The following DCTN1 variants were observed in gnomAD, a reference collection of about 807,000 sequenced individuals.
The protein encoded by DCTN1 is dynactin subunit 1, also known as 150 kDa dynein-associated polypeptide.
In DCTN1, 61 loss-of-function variants were observed where a neutral mutation model predicts 161.2. The ratio of observed to expected loss-of-function variants is 0.38; its 90% CI spans 0.31 to 0.47. The LOEUF is 0.47. Among genes scored for constraint, DCTN1 ranks in the 20% least tolerant of loss-of-function variants. The probability of loss-of-function intolerance (pLI) is 0.99; values close to 1 mark genes in which losing one functional copy is unlikely to be tolerated. For missense variants in DCTN1, 1,404 were observed against 1,623.7 expected (o/e 0.86, Z 2.33); for synonymous variants, 653 against 632.4 (o/e 1.03, Z -0.49).
rs764297067 is a variant in DCTN1 at position 74,367,047 on chromosome 2, G to T, written c.2314C>A (p.Gln772Lys). 1.9e-6 allele frequency: 3 copies of T among 1,614,224 alleles called. No individual in the cohort carries two copies. Among genetic ancestry groups the T allele is most frequent in the Non-Finnish European group, 2.5e-6 (3 of 1,180,036 alleles). Residue 772 changes from glutamine (Q) to lysine (K), a missense_variant and splice_region_variant, in exon 20 of 32, where the codon CAG becomes AAG. Gln to Lys is a moderately conservative substitution (Grantham distance 53, BLOSUM62 1). This residue lies in a region of DCTN1 where 475 missense variants were observed against 489.8 expected (regional missense o/e 0.97). Transcript: ENST00000628224. ...CACAGATCTAGATGTGTTCTCACCTGCAAGAAGGCACGCAGCCGTCCTACC... is the reference window on the plus strand; with the variant it reads ...CACAGATCTAGATGTGTTCTCACCTTCAAGAAGGCACGCAGCCGTCCTACC... ...VEVGRLRAFL[Q>K]GGQEATDIAL...
rs1674138317 is a variant in DCTN1, at chr2:74,363,103, G to C, written c.3420C>G (p.Gly1140=). 1.2e-6 allele frequency: 2 copies of C among 1,613,856 alleles called. No homozygotes were observed. The highest frequency in any genetic ancestry group is 1.7e-6 in the Non-Finnish European group (2 of 1,179,858). The change falls in exon 29 of 32, where the codon GGC becomes GGG. Residue 1140 remains glycine (G), a synonymous_variant. Transcript: ENST00000628224. ...HVAKLSHEGP[G]SELPAGALYR... Reference sequence around the variant, plus strand: ...ACAGCGCTCCAGCTGGTAACTCACTGCCAGGGCCCTCATGGGATAGCTTTG... The same window carrying C: ...ACAGCGCTCCAGCTGGTAACTCACTCCCAGGGCCCTCATGGGATAGCTTTG...
In DCTN1 at chr2:74,377,478, A is replaced by G. The variant is rs761132263; in HGVS notation, c.359-12T>C. 1 of 1,612,008 alleles carries G rather than the reference A, an allele frequency of 6.2e-7. No homozygotes were observed. Among genetic ancestry groups the G allele is most frequent in the Non-Finnish European group, 8.5e-7 (1 of 1,178,028 alleles). ...TGTATCAGTTCCCTCTGTAGAAAGC[A>G]AACAGAAACAAAGTGTGTACTTGTA... is the stretch of plus-strand genomic sequence containing the variant. On this transcript the variant is annotated splice_polypyrimidine_tract_variant and intron_variant, in intron 3 of 31. Transcript: ENST00000628224.
rs72659375 is a variant in DCTN1 at position 74,370,079 on chromosome 2, G to A, written c.1288-10C>T. 3.5e-5 allele frequency: 57 copies of A among 1,614,020 alleles called. No individual in the cohort carries two copies. The highest frequency in any genetic ancestry group is 1.3e-4 in the East Asian group (6 of 44,892). On this transcript the variant is annotated splice_polypyrimidine_tract_variant and intron_variant, in intron 12 of 31. Transcript: ENST00000628224. The surrounding 1 kb of genome is among the most constrained non-coding windows in gnomAD (Gnocchi z 4.4). ...CCAGAGCAGCATCCACCTGTGTTAC[G>A]GGGAGGATAGGGAGAAGGGCTGCTG...
At chr2:74,388,683 T>C (rs1281568365) in intron 1 of DCTN1, among the ~76,000 whole-genome samples, 1 of 152,228 alleles carries the variant, frequency 6.6e-6, no homozygotes, top group Non-Finnish European at 1.5e-5. Context: ...ATATCATCTC[T>C]TACTCTACTA....
At chr2:74,371,858 A>C (rs1312946828) in intron 7 of DCTN1, 130 bp from the exon 8 acceptor site, 2 of 733,628 alleles carry the variant, frequency 2.7e-6, no homozygotes, top group Admixed American at 4.4e-5. Flanking sequence ...AGAGAGTATC[A>C]AAGCACAGTG....
chr2:74,368,176 G>A lies in DCTN1; in HGVS notation c.1855-45C>T, dbSNP rs1300333394. 5 of 1,554,660 alleles carry A rather than the reference G, an allele frequency of 3.2e-6. No homozygotes were observed. The South Asian group carries it at 3.6e-5, about 11-fold the overall frequency. On this transcript the variant is annotated intron_variant, in intron 16 of 31. Coordinates refer to ENST00000628224, the MANE Select transcript of DCTN1 (RefSeq NM_004082.5). ...GAACCTGGGCCTCAGAGCAGAGGAT[G>A]GAGAACAGAGACTCAGGAATATAGT...
rs533951285 is a variant in DCTN1, at chr2:74,370,887, AGTAT to A, written c.844-66_844-63del. On this transcript the variant is annotated intron_variant, in intron 9 of 31. Transcript: ENST00000628224. The surrounding 1 kb of genome is among the most constrained non-coding windows in gnomAD (Gnocchi z 4.4). The stretch of plus-strand genomic sequence containing the variant: ...CAGAGATGCCCCAGGCCTTTCTCAC[AGTAT>A]GTTCCAGGCTCCAGCTCCAGTCTAG... 2.0e-4 allele frequency: 318 copies of A among 1,613,498 alleles called. 2 individuals are homozygous for A. In the African/African-American group the frequency reaches 3.6e-3, roughly 18 times the overall value.
Position 74,380,311 on chromosome 2 carries a change from T to C in DCTN1, c.-274A>G. On this transcript the variant is annotated 5_prime_UTR_variant, in exon 1 of 32. Coordinates refer to ENST00000628224, the MANE Select transcript of DCTN1 (RefSeq NM_004082.5). ...GCTTGCCAGCTGATGAGTCTCACTC[T>C]GCGCTAGTGCTGCTCTAGACTTGTC... is the stretch of plus-strand genomic sequence containing the variant. 2 of 581,200 alleles carry C rather than the reference T, an allele frequency of 3.4e-6. No individual in the cohort carries two copies. The highest frequency in any genetic ancestry group is 2.6e-5 in the Admixed American group (1 of 38,896). 36.0% of individuals were successfully genotyped at this position (581,200 alleles called of 1,614,324 possible). A position where few individuals can be genotyped will look rare whatever the true frequency, so the allele number is the denominator to read the frequency against.
chr2:74,379,325 C>T (rs1207716817), intron 1 of DCTN1, among the ~76,000 whole-genome samples: 1 of 152,086 alleles, frequency 6.6e-6, no homozygotes, highest in Non-Finnish European at 1.5e-5. Context: ...CCTTCTGATA[C>T]TCTCATTTAT....
chr2:74,374,788 T>C (rs1394227619), intron 5 of DCTN1: 4 of 1,082,774 alleles, frequency 3.7e-6, no homozygotes, highest in Non-Finnish European at 3.4e-6. Flanking sequence ...CTCCTCCTCA[T>C]GACAGTCATG....
intron 30 of DCTN1, among the ~76,000 whole-genome samples, chr2:74,362,367 A>G (rs1473832192): frequency 2.6e-5 from 4 of 152,124 alleles, no homozygotes; most frequent in Non-Finnish European, 5.9e-5. Context: ...CGCTCTTGGG[A>G]AGCCATGCCC....
At position 74,363,910 on chromosome 2, in the gene DCTN1, C is replaced by G. The variant is rs147308656; in HGVS notation, c.3197-282G>C. On this transcript the variant is annotated intron_variant, in intron 26 of 31. Transcript: ENST00000628224. Reference sequence around the variant, plus strand: ...TGTGCACTGTACAAAGTACTTGGAACATGAGGCTGTTCCTGCCTCCCTGTC... The same window carrying G: ...TGTGCACTGTACAAAGTACTTGGAAGATGAGGCTGTTCCTGCCTCCCTGTC... The G allele has an allele frequency of 3.4e-4, 177 of 516,090 alleles. 1 individual carries two copies. Among genetic ancestry groups the G allele is most frequent in the East Asian group, 2.7e-3 (77 of 28,904 alleles). 32.0% of individuals were successfully genotyped at this position (516,090 alleles called of 1,614,324 possible). A position where few individuals can be genotyped will look rare whatever the true frequency, so the allele number is the denominator to read the frequency against.
intron 5 of DCTN1, among the ~76,000 whole-genome samples, chr2:74,376,187 G>C (rs982268127): frequency 6.6e-6 from 1 of 152,162 alleles, no homozygotes; most frequent in African/African-American, 2.4e-5. Context: ...CCAGAGGAAG[G>C]AGACAGGGAC....
chr2:74,374,854 C>G, intron 5 of DCTN1: 3 of 649,886 alleles, frequency 4.6e-6, no homozygotes, highest in Non-Finnish European at 5.8e-6. Flanking sequence ...CCTCTCTTCC[C>G]TCCCTTGCCC....
rs548667213 is a variant in DCTN1, at chr2:74,367,207, T to C, written c.2254-100A>G. On this transcript the variant is annotated intron_variant, in intron 19 of 31. Coordinates refer to ENST00000628224, the MANE Select transcript of DCTN1 (RefSeq NM_004082.5). ...CCCATCCTCTGCTGACCCCCATACA[T>C]AAGTAGGTCCTCTAGTTTCCCTGAT... The C allele has an allele frequency of 3.9e-6, 6 of 1,541,658 alleles. No homozygotes were observed. The South Asian group carries it at 4.5e-5, about 12-fold the overall frequency.
chr2:74,362,158 G>T lies in DCTN1; in HGVS notation c.3610-17C>A. ...GACCTCATCCTAGGGAAGGGGAGAGGAAGACAAGGGTTCATTTATGGGACC... is the reference window on the plus strand; with the variant it reads ...GACCTCATCCTAGGGAAGGGGAGAGTAAGACAAGGGTTCATTTATGGGACC... On this transcript the variant is annotated splice_polypyrimidine_tract_variant and intron_variant, in intron 30 of 31. Transcript: ENST00000628224. The T allele has an allele frequency of 6.2e-7, 1 of 1,611,466 alleles. No individual in the cohort carries two copies. Among genetic ancestry groups the T allele is most frequent in the South Asian group, 1.1e-5 (1 of 90,998 alleles).
intron 31 of DCTN1, 93 bp downstream of exon 31, chr2:74,361,959 G>T (rs1316849255): frequency 7.3e-7 from 1 of 1,366,848 alleles, no homozygotes; most frequent in East Asian, 2.3e-5. Flanking sequence ...TGTTAGACCT[G>T]AGACTCCAAA....
rs1255195288 is a variant in DCTN1, at chr2:74,361,438, C to T, written c.*61G>A. 6 of 1,610,956 alleles carry T rather than the reference C, an allele frequency of 3.7e-6. No homozygotes were observed. Among genetic ancestry groups the T allele is most frequent in the South Asian group, 2.2e-5 (2 of 90,844 alleles). ...CTGGGGGCTGGCTGAGGTGGCTGTG[C>T]ATCGGGCAGAGCGGCACCAGAGGGC... On this transcript the variant is annotated 3_prime_UTR_variant, in exon 32 of 32. Coordinates refer to ENST00000628224, the MANE Select transcript of DCTN1 (RefSeq NM_004082.5).
In DCTN1 at chr2:74,363,066, T is replaced by C; in HGVS notation, c.3457A>G (p.Ser1153Gly). The C allele has an allele frequency of 6.2e-7, 1 of 1,614,032 alleles. No individual in the cohort carries two copies. The highest frequency in any genetic ancestry group is 8.5e-7 in the Non-Finnish European group (1 of 1,179,946). ...LPAGALYRKT[S>G]QLLETLNQLS... ...TGATTCAATGTCTCCAGCAGCTGGC[T>C]GGTCTTACGATACAGCGCTCCAGCT... The change falls in exon 29 of 32, where the codon AGC becomes GGC. Residue 1153 changes from serine (S) to glycine (G), a missense_variant. Physicochemically the swap from Ser to Gly is moderately conservative, Grantham distance 56. Around this residue, in one of 9 missense-constraint regions of DCTN1, gnomAD observed 311 missense variants for 298.9 expected, o/e 1.04. Transcript: ENST00000628224.
Sources: gnomAD v4.1 joint callset for allele counts (sites outside exome capture counted in the v4.1 genomes callset) on GRCh38, gnomAD v4.1.1 for gene constraint, gnomAD v4.1.1 regional missense constraint, Gnocchi (gnomAD v3.1) non-coding constraint, MANE v1.5 for transcripts, NCBI Gene and HGNC (gene_info 2026-07-23, HGNC 2026-07-21) for gene names.